PARK7: variants seen among roughly 807,000 people sequenced by gnomAD.
The protein encoded by PARK7 is Parkinsonism associated deglycase.
PARK7 carries 14 observed loss-of-function variants against 20.5 expected under a neutral mutation model. That is an observed-to-expected ratio of 0.68 (90% CI 0.45 to 1.07). PARK7 has a LOEUF of 1.07. Ranked by LOEUF, PARK7 falls within the 50% of genes least tolerant of loss-of-function variation. PARK7 has a pLI of 0.00. For synonymous variants in PARK7, 98 were observed against 84.3 expected (o/e 1.16, Z -0.89); for missense variants, 234 against 238.1 (o/e 0.98, Z 0.11).
In PARK7 at chr1:7,985,441, G is replaced by C. The variant is rs1640799274; in HGVS notation, c.*387G>C. The C allele has an allele frequency of 1.4e-5, 4 of 291,482 alleles. No homozygotes were observed. The highest frequency in any genetic ancestry group is 6.5e-5 in the South Asian group (2 of 30,538). 18.1% of individuals were successfully genotyped at this position (291,482 alleles called of 1,614,324 possible). Reference sequence around the variant, plus strand: ...AAGGCATACAAACAGAATTTAAGAGGCTTGTGATTTTCTCTGCTTATTAGC... The same window carrying C: ...AAGGCATACAAACAGAATTTAAGAGCCTTGTGATTTTCTCTGCTTATTAGC... On this transcript the variant is annotated 3_prime_UTR_variant, in exon 7 of 7. Coordinates refer to ENST00000338639, the MANE Select transcript of PARK7 (RefSeq NM_007262.5).
At chr1:7,974,554 G>C (rs1458947248) in intron 5 of PARK7, among the ~76,000 whole-genome samples, 3 of 151,842 alleles carry the variant, frequency 2.0e-5, no homozygotes, top group Non-Finnish European at 2.9e-5. Context: ...GTGTGAACCT[G>C]GGGGGCAGAG....
rs367771820 is a variant in PARK7, at chr1:7,970,974, G to C, written c.322+11G>C. 1 of 1,614,064 alleles carries C rather than the reference G, an allele frequency of 6.2e-7. No homozygotes were observed. Among genetic ancestry groups the C allele is most frequent in the Non-Finnish European group, 8.5e-7 (1 of 1,179,948 alleles). On this transcript the variant is annotated intron_variant, in intron 5 of 6. Transcript: ENST00000338639. ...CCGCCATCTGTGCAGGTGACGTGCA[G>C]GGGCAGCCTGTGTTGCAGCGTCATT...
chr1:7,968,811 C>T (rs1288369808), intron 3 of PARK7, among the ~76,000 whole-genome samples: 1 of 152,146 alleles, frequency 6.6e-6, no homozygotes, highest in East Asian at 1.9e-4. Context: ...GCCAGTGTGC[C>T]CAGCCTGTTT....
chr1:7,965,343 G>GGTGA lies in PARK7; in HGVS notation c.110_111insGTGA (p.Leu38Ter). 6.2e-7 allele frequency: 1 copy of GGTGA among 1,614,030 alleles called. No individual in the cohort carries two copies. The highest frequency in any genetic ancestry group is 8.5e-7 in the Non-Finnish European group (1 of 1,180,004). The stretch of plus-strand genomic sequence containing the variant: ...TCGTAGATTAAGGTCACCGTTGCAG[G>GGTGA]CCTGGCTGGAAAAGACCCAGTACAG... On this transcript the variant is annotated stop_gained and frameshift_variant, in exon 3 of 7. Transcript: ENST00000338639. LOFTEE classifies it high-confidence loss of function.
chr1:7,976,437 C>T (rs1332247651), intron 5 of PARK7, among the ~76,000 whole-genome samples: 3 of 152,174 alleles, frequency 2.0e-5, no homozygotes, highest in Non-Finnish European at 4.4e-5. Flanking sequence ...ACGCAATATG[C>T]TTGTGACCCT....
At chr1:7,977,588 T>C (rs1392550767) in intron 5 of PARK7, 64 bp from the exon 6 acceptor site, 5 of 1,418,120 alleles carry the variant, frequency 3.5e-6, no homozygotes, top group Middle Eastern at 1.8e-4. Context: ...CCAGGCACTA[T>C]TGCGATTTTT....
chr1:7,969,446 G>C (rs779634316), intron 4 of PARK7, 42 bp downstream of exon 4: 35 of 929,942 alleles, frequency 3.8e-5, no homozygotes, highest in Middle Eastern at 2.5e-4. Context: ...AAGCTGGGGG[G>C]GGGGAAAAAC....
intron 6 of PARK7, among the ~76,000 whole-genome samples, chr1:7,979,166 C>T (rs1206852281): frequency 1.3e-5 from 2 of 152,112 alleles, no homozygotes; most frequent in Non-Finnish European, 2.9e-5. Flanking sequence ...TCCTTGAATG[C>T]CGCTGTGAGC....
chr1:7,969,056 A>G, intron 3 of PARK7: 1 of 340,198 alleles, frequency 2.9e-6, no homozygotes, highest in Non-Finnish European at 5.5e-6. Context: ...ACATCTACAC[A>G]CAAATACATA....
intron 5 of PARK7, among the ~76,000 whole-genome samples, chr1:7,976,579 C>G (rs1640587672): frequency 6.6e-6 from 1 of 152,228 alleles, no homozygotes; most frequent in Non-Finnish European, 1.5e-5. Flanking sequence ...TCACGTGATG[C>G]TAGTGCCTTT....
At chr1:7,982,073 C>G (rs142345117) in intron 6 of PARK7, among the ~76,000 whole-genome samples, 3,278 of 143,622 alleles carry the variant, frequency 0.023, 129 homozygotes, top group African/African-American at 0.08. Flanking sequence ...CTCCCGGGTT[C>G]AAGTGATTCT....
intron 5 of PARK7, among the ~76,000 whole-genome samples, chr1:7,976,353 A>G (rs923088167): frequency 6.6e-6 from 1 of 152,238 alleles, no homozygotes; most frequent in African/African-American, 2.4e-5. Flanking sequence ...TACTTTGTAA[A>G]AAGCTTTAAG....
intron 5 of PARK7, among the ~76,000 whole-genome samples, chr1:7,973,007 G>A (rs942779246): frequency 3.3e-5 from 5 of 151,946 alleles, no homozygotes; most frequent in Middle Eastern, 3.2e-3. Flanking sequence ...CCGCGATTAC[G>A]CCACTGCACT....
rs996949916 is a variant in PARK7 at position 7,969,412 on chromosome 1, A to C, written c.252+8A>C. 19 of 1,536,932 alleles carry C rather than the reference A, an allele frequency of 1.2e-5. No homozygotes were observed. The Admixed American group carries it at 2.0e-4, about 17-fold the overall frequency. ...GCACAGAATTTATCTGAGGTAAAAA[A>C]TTCTACTCAATTATACCTCAATAAA... On this transcript the variant is annotated splice_region_variant and intron_variant, in intron 4 of 6. Coordinates refer to ENST00000338639, the MANE Select transcript of PARK7 (RefSeq NM_007262.5).
At chr1:7,969,929 C>T (rs548498530) in intron 4 of PARK7, among the ~76,000 whole-genome samples, 12 of 152,296 alleles carry the variant, frequency 7.9e-5, no homozygotes, top group African/African-American at 2.9e-4. Flanking sequence ...AGTGGCTCAA[C>T]GTCTATAATC....
At chr1:7,968,897 C>T (rs1416629683) in intron 3 of PARK7, among the ~76,000 whole-genome samples, 1 of 152,156 alleles carries the variant, frequency 6.6e-6, no homozygotes, top group Non-Finnish European at 1.5e-5. Context: ...CATATAAAGT[C>T]AAAATGTTAA....
chr1:7,972,658 C>T (rs1640489332), intron 5 of PARK7, among the ~76,000 whole-genome samples: 1 of 152,134 alleles, frequency 6.6e-6, no homozygotes, highest in Non-Finnish European at 1.5e-5. Flanking sequence ...AATCTCAGCA[C>T]TTTGGGAAGC....
intron 6 of PARK7, 124 bp downstream of exon 6, chr1:7,977,862 C>T (rs776667118): frequency 4.1e-4 from 312 of 762,026 alleles, no homozygotes; most frequent in Non-Finnish European, 1.1e-4. Context: ...CGGGTTCAAG[C>T]GATTCTTCTC....
At chr1:7,974,628 CAA>C (rs1341432263) in intron 5 of PARK7, among the ~76,000 whole-genome samples, 1 of 132,652 alleles carries the variant, frequency 7.5e-6, no homozygotes. Flanking sequence ...GACTCCATCT[CAA>C]AAAAAAAAAA....
Sources: allele counts gnomAD v4.1 joint callset (sites outside exome capture counted in the v4.1 genomes callset), GRCh38; gene constraint gnomAD v4.1.1; transcripts MANE v1.5; gene names NCBI Gene and HGNC (gene_info 2026-07-23, HGNC 2026-07-21).